The following OMD variants were observed in gnomAD, a reference collection of about 807,000 sequenced individuals.
OMD encodes KSPG osteomodulin.
Under a neutral mutation model 31.2 loss-of-function variants are expected in OMD, and 19 were observed. The ratio of observed to expected loss-of-function variants is 0.61; its 90% CI spans 0.42 to 0.89. The LOEUF (loss-of-function observed/expected upper bound fraction) is 0.89. Ranked by LOEUF, OMD falls within the 40% of genes least tolerant of loss-of-function variation. The pLI is 0.00. For synonymous variants in OMD, 155 were observed against 166.4 expected, an observed-to-expected ratio of 0.93 and a Z score of 0.53; for missense variants, 448 against 490.8, an observed-to-expected ratio of 0.91 and a Z score of 0.82.
intron 1 of OMD, among the ~76,000 whole-genome samples, chr9:92,420,085 CT>C (rs1489924083): frequency 6.6e-6 from 1 of 152,112 alleles, no homozygotes; most frequent in Non-Finnish European, 1.5e-5. Flanking sequence ...TTCCTTCATT[CT>C]TCCTCACCAT....
At chr9:92,422,112 A>G (rs534485977) in intron 1 of OMD, among the ~76,000 whole-genome samples, 1 of 151,682 alleles carries the variant, frequency 6.6e-6, no homozygotes, top group African/African-American at 2.4e-5. Flanking sequence ...GTGCAGTGGC[A>G]CAATCTCGGC....
chr9:92,414,877 T>C lies in OMD; in HGVS notation c.*275A>G, dbSNP rs568628137. Reference sequence around the variant, plus strand: ...TACACTCACTTTCTTTAACATGATATTTCTATATTTAAAAAGAGCATAAGA... The same window carrying C: ...TACACTCACTTTCTTTAACATGATACTTCTATATTTAAAAAGAGCATAAGA... On this transcript the variant is annotated 3_prime_UTR_variant, in exon 3 of 3. Transcript: ENST00000375550. The C allele has an allele frequency of 3.6e-6, 1 of 278,186 alleles. No individual in the cohort carries two copies. Among genetic ancestry groups the C allele is most frequent in the East Asian group, 5.6e-5 (1 of 17,704 alleles). 17.2% of individuals were successfully genotyped at this position (278,186 alleles called of 1,614,324 possible).
At position 92,416,967 on chromosome 9, in the gene OMD, G is replaced by A. The variant is rs1843633043; in HGVS notation, c.592C>T (p.Leu198Phe). 6.2e-7 allele frequency: 1 copy of A among 1,613,790 alleles called. No homozygotes were observed. The highest frequency in any genetic ancestry group is 2.2e-5 in the East Asian group (1 of 44,856). The change falls in exon 2 of 3, where the codon CTT (leucine) becomes TTT (phenylalanine). Residue 198 changes from leucine to phenylalanine, a missense_variant. Transcript: ENST00000375550. ...LTMLDLCYNY[L>F]HDSLLKDKIF... ...TTGTCTTTTAGCAGAGAATCATGAA[G>A]ATAATTATAACAGAGATCAAGCATG...
intron 1 of OMD, among the ~76,000 whole-genome samples, chr9:92,418,677 A>G (rs970354854): frequency 1.4e-4 from 21 of 152,018 alleles, no homozygotes; most frequent in African/African-American, 5.1e-4. Context: ...TACAACTTCT[A>G]TTTGCTGATA....
chr9:92,414,239 A>G lies in OMD; in HGVS notation c.*913T>C, dbSNP rs571690018. 7.1e-5 allele frequency: 13 copies of G among 181,950 alleles called. No homozygotes were observed. The highest frequency in any genetic ancestry group is 1.2e-4 in the Non-Finnish European group (10 of 85,388). The allele number at this position is 181,950 out of a possible 1,614,324, so 11.3% of individuals were successfully genotyped here. On this transcript the variant is annotated 3_prime_UTR_variant, in exon 3 of 3. Coordinates refer to ENST00000375550, the MANE Select transcript of OMD (RefSeq NM_005014.3). ...CTTATGTAGATATTGGCTGATAAGC[A>G]TAAAGTGTTTAGTATTATCTTTAGA...
Position 92,415,178 on chromosome 9 carries a change from G to A in OMD, c.1240C>T (p.Leu414Phe). Residue 414 changes from leucine to phenylalanine, a missense_variant, in exon 3 of 3, where the codon CTT becomes TTT. Physicochemically the swap from Leu to Phe is conservative, Grantham distance 22. Transcript: ENST00000375550. ...TATTCTTGATTTTCATAATAATGAA[G>A]GTCAAAGTGCCCTTCTGCTCCTTCT... Reference protein sequence around the residue: ...EQEGAEGHFDLHYYENQE With the variant: ...EQEGAEGHFDFHYYENQE 1.2e-6 allele frequency: 2 copies of A among 1,609,710 alleles called. No homozygotes were observed. The highest frequency in any genetic ancestry group is 1.7e-6 in the Non-Finnish European group (2 of 1,178,764).
At chr9:92,415,726 C>A (rs1258167011) in intron 2 of OMD, among the ~76,000 whole-genome samples, 4 of 147,196 alleles carry the variant, frequency 2.7e-5, no homozygotes, top group Non-Finnish European at 6.0e-5. Flanking sequence ...AGAACAATCT[C>A]AAAAAAAAAT....
intron 1 of OMD, among the ~76,000 whole-genome samples, chr9:92,421,264 T>C (rs1468288612): frequency 6.6e-6 from 1 of 152,190 alleles, no homozygotes; most frequent in Non-Finnish European, 1.5e-5. Context: ...GGTCATGAAC[T>C]TCTGGGCTCA....
At chr9:92,416,058 G>GTGTATATATATATATA (rs6151074) in intron 2 of OMD, among the ~76,000 whole-genome samples, 15 of 130,904 alleles carry the variant, frequency 1.1e-4, no homozygotes, top group Middle Eastern at 4.0e-3. Flanking sequence ...ATATATGTGT[G>GTGTATATATATATATA]TATATATATA....
chr9:92,416,153 G>T (rs1193437498), intron 2 of OMD, among the ~76,000 whole-genome samples: 5 of 147,066 alleles, frequency 3.4e-5, no homozygotes, highest in African/African-American at 1.3e-4. Flanking sequence ...AGGCCAGAAA[G>T]CAGTGGCATG....
Position 92,424,310 on chromosome 9 carries a change from CTG to C in OMD, c.-127_-126del, listed in dbSNP as rs1163427874. Reference sequence around the variant, plus strand: ...AGTCTCTTAAAAATCCACAGTAACTCTGTGTCCAGACAGGGCTGTCTCTTGAA... The same window carrying C: ...AGTCTCTTAAAAATCCACAGTAACTCTGTCCAGACAGGGCTGTCTCTTGAA... On this transcript the variant is annotated 5_prime_UTR_variant, in exon 1 of 3. Coordinates refer to ENST00000375550, the MANE Select transcript of OMD (RefSeq NM_005014.3). 4.6e-5 allele frequency: 7 copies of C among 152,180 alleles called. No individual in the cohort carries two copies. The highest frequency in any genetic ancestry group is 4.6e-4 in the Admixed American group (7 of 15,270). The allele number at this position is 152,180 out of a possible 1,614,324, so 9.4% of individuals were successfully genotyped here.
At chr9:92,416,108 T>A (rs2761674) in intron 2 of OMD, among the ~76,000 whole-genome samples, 57,367 of 140,794 alleles carry the variant, frequency 0.41, 14,025 homozygotes, top group African/African-American at 0.67. Flanking sequence ...ATTTTATTTT[T>A]TTTTTTTTTA....
chr9:92,421,215 T>C (rs968798620), intron 1 of OMD, among the ~76,000 whole-genome samples: 1 of 152,118 alleles, frequency 6.6e-6, no homozygotes, highest in African/African-American at 2.4e-5. Context: ...AATTTTTTAA[T>C]TTTTTGTAAA....
chr9:92,423,659 C>T (rs888694570), intron 1 of OMD, among the ~76,000 whole-genome samples: 1 of 151,768 alleles, frequency 6.6e-6, no homozygotes, highest in African/African-American at 2.4e-5. Flanking sequence ...TAACTAGATC[C>T]TTCAATAGAC....
chr9:92,423,810 G>C (rs1315834587), intron 1 of OMD, among the ~76,000 whole-genome samples: 1 of 152,040 alleles, frequency 6.6e-6, no homozygotes, highest in African/African-American at 2.4e-5. Flanking sequence ...CCCCCAACCG[G>C]AATCACTAGC....
At position 92,415,361 on chromosome 9, in the gene OMD, A is replaced by G; in HGVS notation, c.1057T>C (p.Cys353Arg). 6.2e-7 allele frequency: 1 copy of G among 1,612,692 alleles called. No individual in the cohort carries two copies. Among genetic ancestry groups the G allele is most frequent in the Non-Finnish European group, 8.5e-7 (1 of 1,178,842 alleles). The change falls in exon 3 of 3, where the codon TGC (cysteine) becomes CGC (arginine). Residue 353 changes from cysteine to arginine, a missense_variant. By Grantham distance (180) the Cys-to-Arg change is radical. Coordinates refer to ENST00000375550, the MANE Select transcript of OMD (RefSeq NM_005014.3). ...TAAATAGTGTGTATATGAGGGAAGC[A>G]GAAGAAGATGTATGAGCTTATTGGT... ...KEPISSYIFF[C>R]FPHIHTIYYG...
Position 92,414,150 on chromosome 9 carries a change from A to G in OMD, c.*1002T>C, listed in dbSNP as rs986350367. 5.8e-6 allele frequency: 1 copy of G among 171,444 alleles called. No individual in the cohort carries two copies. Among genetic ancestry groups the G allele is most frequent in the East Asian group, 1.1e-4 (1 of 9,236 alleles). The allele number at this position is 171,444 out of a possible 1,614,324, so 10.6% of individuals were successfully genotyped here. On this transcript the variant is annotated 3_prime_UTR_variant, in exon 3 of 3. Coordinates refer to ENST00000375550, the MANE Select transcript of OMD (RefSeq NM_005014.3). ...ATACATTAACGAAAAAGTGATTTTT[A>G]AGGTTTTAAAGAAGATGTTAAAACC...
chr9:92,420,630 G>A (rs994430503), intron 1 of OMD, among the ~76,000 whole-genome samples: 1 of 151,874 alleles, frequency 6.6e-6, no homozygotes. Context: ...TTGTTTTTGG[G>A]TGATGACCTT....
chr9:92,423,127 A>G (rs1369861909), intron 1 of OMD, among the ~76,000 whole-genome samples: 1 of 152,200 alleles, frequency 6.6e-6, no homozygotes, highest in Non-Finnish European at 1.5e-5. Context: ...TCAAATGAAC[A>G]TATTCATGAG....
Sources: gnomAD v4.1 joint callset for allele counts (sites outside exome capture counted in the v4.1 genomes callset) on GRCh38, gnomAD v4.1.1 for gene constraint, MANE v1.5 for transcripts, NCBI Gene and HGNC (gene_info 2026-07-23, HGNC 2026-07-21) for gene names.